GALNT2: variants seen among roughly 807,000 people sequenced by gnomAD.
The protein encoded by GALNT2 is UDP-GalNAc:polypeptide N-acetylgalactosaminyltransferase 2.
Under a neutral mutation model 81.4 loss-of-function variants are expected in GALNT2, and 31 were observed. The observed-to-expected ratio is 0.38, with a 90% CI of 0.29 to 0.51. The LOEUF (loss-of-function observed/expected upper bound fraction) is 0.51, where lower values mean the gene tolerates loss of function less well. Ranked by LOEUF, GALNT2 falls within the 20% of genes least tolerant of loss-of-function variation. GALNT2 has a pLI of 0.87. For synonymous variants in GALNT2, 303 were observed against 287.4 expected, an observed-to-expected ratio of 1.05 and a Z score of -0.55; for missense variants, 629 against 765.7, an observed-to-expected ratio of 0.82 and a Z score of 2.11.
intron 1 of GALNT2, chr1:230,091,502 A>G (rs1425726842): frequency 1.3e-5 from 2 of 152,152 alleles, no homozygotes; most frequent in African/African-American, 4.8e-5. Context: ...CTTTCTGTGT[A>G]TAGAATCAAT....
rs924033118 is a variant in GALNT2, at chr1:230,275,747, C to CAT, written c.1560+1191_1560+1192dup. Reference sequence around the variant, plus strand: ...ACCACATATATATATACAAACACCACATATATATACATATATACATACACC... The same window carrying CAT: ...ACCACATATATATATACAAACACCACATATATATATACATATATACATACACC... On this transcript the variant is annotated intron_variant, in intron 15 of 15. Coordinates refer to ENST00000366672, the MANE Select transcript of GALNT2 (RefSeq NM_004481.5). This position sits in a 1 kb window ranked among gnomAD's most constrained non-coding sequence, Gnocchi z 5.5. Among the ~76,000 whole-genome samples the CAT allele has an allele frequency of 7.3e-5, 11 of 150,616 alleles. No individual in the cohort carries two copies. The highest frequency in any genetic ancestry group is 4.2e-4 in the South Asian group (2 of 4,790).
chr1:230,150,461 T>A (rs1209950335), intron 1 of GALNT2, among the ~76,000 whole-genome samples: 1 of 152,210 alleles, frequency 6.6e-6, no homozygotes, highest in Non-Finnish European at 1.5e-5. Context: ...GTACAACAAC[T>A]CCTTCCACTT....
chr1:230,085,428 G>C (rs1659870110), intron 1 of GALNT2, among the ~76,000 whole-genome samples: 1 of 152,202 alleles, frequency 6.6e-6, no homozygotes, highest in Non-Finnish European at 1.5e-5. Flanking sequence ...GAGGATGCTA[G>C]GTGGAAACTC....
At chr1:230,150,333 A>G (rs1224901346) in intron 1 of GALNT2, among the ~76,000 whole-genome samples, 3 of 152,260 alleles carry the variant, frequency 2.0e-5, no homozygotes, top group African/African-American at 7.2e-5. Context: ...AATCAAAGGC[A>G]TGACTTCATA....
chr1:230,147,321 A>G (rs745658821), intron 1 of GALNT2, among the ~76,000 whole-genome samples: 6 of 152,168 alleles, frequency 3.9e-5, no homozygotes, highest in Non-Finnish European at 8.8e-5. Context: ...AATTATAAAG[A>G]CTTCATTTTA....
intron 14 of GALNT2, among the ~76,000 whole-genome samples, chr1:230,272,972 A>G (rs1160241478): frequency 6.6e-6 from 1 of 152,058 alleles, no homozygotes; most frequent in South Asian, 2.1e-4. Context: ...AGGTCTCGCT[A>G]TGTTGCCTAG....
intron 3 of GALNT2, among the ~76,000 whole-genome samples, chr1:230,207,059 A>G (rs1236077971): frequency 6.6e-6 from 1 of 150,628 alleles, no homozygotes; most frequent in African/African-American, 2.4e-5. Flanking sequence ...TATTTTACTT[A>G]TTTTTTTCTT....
intron 1 of GALNT2, among the ~76,000 whole-genome samples, chr1:230,165,779 C>A (rs539838387): frequency 2.0e-5 from 3 of 152,298 alleles, no homozygotes; most frequent in Admixed American, 6.5e-5. Context: ...GGGCAGCACT[C>A]GAGAGGGAGG....
At chr1:230,181,417 C>T (rs1276740851) in intron 2 of GALNT2, among the ~76,000 whole-genome samples, 6 of 152,154 alleles carry the variant, frequency 3.9e-5, no homozygotes, top group Non-Finnish European at 5.9e-5. Flanking sequence ...TTTGTTGAGC[C>T]ACTGTTGCAT....
At chr1:230,258,106 G>A (rs1665769095) in intron 11 of GALNT2, among the ~76,000 whole-genome samples, 1 of 152,072 alleles carries the variant, frequency 6.6e-6, no homozygotes, top group East Asian at 1.9e-4. Flanking sequence ...GTAGAGACAG[G>A]GTTTCACCAT....
intron 1 of GALNT2, among the ~76,000 whole-genome samples, chr1:230,096,877 C>T (rs1660268581): frequency 6.6e-6 from 1 of 152,204 alleles, no homozygotes; most frequent in East Asian, 1.9e-4. Context: ...CCTTCAGCAA[C>T]AGATGGTAAA....
intron 1 of GALNT2, among the ~76,000 whole-genome samples, chr1:230,105,674 C>T (rs1423324947): frequency 2.0e-5 from 3 of 152,128 alleles, no homozygotes; most frequent in East Asian, 1.9e-4. Context: ...AAAGTGAGGG[C>T]GTCTGTCGGT....
chr1:230,254,709 T>G (rs1642737486), intron 10 of GALNT2, among the ~76,000 whole-genome samples: 2 of 152,250 alleles, frequency 1.3e-5, no homozygotes, highest in South Asian at 2.1e-4. Context: ...CATATATGGT[T>G]GTCTAGAATA....
At chr1:230,250,171 A>G (rs1382521711) in intron 9 of GALNT2, among the ~76,000 whole-genome samples, 1 of 152,230 alleles carries the variant, frequency 6.6e-6, no homozygotes, top group Non-Finnish European at 1.5e-5. Flanking sequence ...GTCAGTGAGT[A>G]GTGATCCAGC....
Position 230,086,033 on chromosome 1 carries a change from G to A in GALNT2, c.126+18627G>A, listed in dbSNP as rs578204123. On this transcript the variant is annotated intron_variant, in intron 1 of 15. Coordinates refer to ENST00000366672, the MANE Select transcript of GALNT2 (RefSeq NM_004481.5). ...CTGCTTGCTGACCTGCCTGGTTAAG[G>A]AACGAACTCGGGTTCCACCAGAAAC... is the stretch of plus-strand genomic sequence containing the variant. 3.3e-5 allele frequency among the ~76,000 whole-genome samples: 5 copies of A among 152,304 alleles called. No homozygotes were observed. The South Asian group carries it at 1.0e-3, about 32-fold the overall frequency.
intron 1 of GALNT2, among the ~76,000 whole-genome samples, chr1:230,114,562 A>G (rs1660791317): frequency 6.6e-6 from 1 of 152,228 alleles, no homozygotes. Flanking sequence ...GGACATGAAC[A>G]GGGGAAACAG....
rs370487282 is a variant in GALNT2 at position 230,275,078 on chromosome 1, A to G, written c.1560+514A>G. Among the ~76,000 whole-genome samples the G allele has an allele frequency of 6.6e-6, 1 of 151,092 alleles. No homozygotes were observed. Among genetic ancestry groups the G allele is most frequent in the East Asian group, 1.9e-4 (1 of 5,176 alleles). On this transcript the variant is annotated intron_variant, in intron 15 of 15. Transcript: ENST00000366672. This position sits in a 1 kb window ranked among gnomAD's most constrained non-coding sequence, Gnocchi z 5.5. ...GCCACATATATACGTATATATATAC[A>G]CACCACATATATATACATGTATACA...
intron 10 of GALNT2, among the ~76,000 whole-genome samples, chr1:230,251,438 G>A (rs1665542410): frequency 6.6e-6 from 1 of 152,138 alleles, no homozygotes; most frequent in African/African-American, 2.4e-5. Context: ...TTTTTCCATT[G>A]TTTTATGATG....
chr1:230,063,086 G>A (rs956549788), upstream of GALNT2, among the ~76,000 whole-genome samples: 2 of 152,138 alleles, frequency 1.3e-5, no homozygotes, highest in African/African-American at 2.4e-5. Context: ...GCTGAGGCAG[G>A]TGGATCATGA....
Sources: allele counts gnomAD v4.1 joint callset (sites outside exome capture counted in the v4.1 genomes callset), GRCh38; gene constraint gnomAD v4.1.1; non-coding constraint Gnocchi (gnomAD v3.1); transcripts MANE v1.5; gene names NCBI Gene and HGNC (gene_info 2026-07-23, HGNC 2026-07-21).